Variants in BLTP3B observed in about 807,000 individuals in gnomAD.
BLTP3B encodes the protein UHRF1 (ICBP90) binding protein 1-like.
chr12:100,073,590 T>C, the BLTP3B span, among the ~76,000 whole-genome samples: 1 of 151,956 alleles, frequency 6.6e-6, no homozygotes, highest in Non-Finnish European at 1.5e-5. Flanking sequence ...TGTATATATA[T>C]ATAATTATTA....
chr12:100,116,991 AAAAT>A, the BLTP3B span, among the ~76,000 whole-genome samples: 1 of 152,336 alleles, frequency 6.6e-6, no homozygotes, highest in Admixed American at 6.5e-5. Context: ...TCTGAGCAAC[AAAAT>A]AAATAAAACA....
the BLTP3B span, among the ~76,000 whole-genome samples, chr12:100,133,900 T>C: frequency 6.6e-6 from 1 of 152,206 alleles, no homozygotes; most frequent in Non-Finnish European, 1.5e-5. Flanking sequence ...TCATATAACT[T>C]TTATTACAAT....
the BLTP3B span, among the ~76,000 whole-genome samples, chr12:100,050,515 A>C: frequency 6.6e-6 from 1 of 152,208 alleles, no homozygotes; most frequent in Non-Finnish European, 1.5e-5. Flanking sequence ...AAATTAGGTC[A>C]CAAGGATTGT....
chr12:100,103,803 T>C, the BLTP3B span: 2 of 926,976 alleles, frequency 2.2e-6, no homozygotes, highest in Admixed American at 6.2e-5. Context: ...GAAACCTAAC[T>C]GGTGAAAAAT....
At chr12:100,066,951 C>T in the BLTP3B span, among the ~76,000 whole-genome samples, 1 of 151,982 alleles carries the variant, frequency 6.6e-6, no homozygotes, top group African/African-American at 2.4e-5. Flanking sequence ...ACAAAAAAAG[C>T]CTCAATAAAT....
the BLTP3B span, among the ~76,000 whole-genome samples, chr12:100,136,818 T>A: frequency 3.9e-5 from 6 of 152,170 alleles, no homozygotes; most frequent in African/African-American, 1.4e-4. Flanking sequence ...TTCTTTTTTT[T>A]TATTTTTTTT....
chr12:100,117,217 A>C, the BLTP3B span, among the ~76,000 whole-genome samples: 4 of 152,162 alleles, frequency 2.6e-5, no homozygotes, highest in African/African-American at 9.7e-5. Flanking sequence ...TTCCTTCCAA[A>C]ATGTTCAGTA....
chr12:100,043,131 C>T, the BLTP3B span, among the ~76,000 whole-genome samples: 1 of 152,292 alleles, frequency 6.6e-6, no homozygotes, highest in Admixed American at 6.5e-5. Flanking sequence ...AAGCTATGTA[C>T]ATTTTTTAGA....
chr12:100,040,217 A>G, the BLTP3B span, among the ~76,000 whole-genome samples: 4 of 152,220 alleles, frequency 2.6e-5, no homozygotes, highest in African/African-American at 9.6e-5. Context: ...GGAATACTAT[A>G]AACAACAGTA....
At chr12:100,095,537 CTAGA>C in the BLTP3B span, 1 of 974,198 alleles carries the variant, frequency 1.0e-6, no homozygotes, top group Non-Finnish European at 1.5e-6. Flanking sequence ...TAGAAGATAT[CTAGA>C]TAAAGAAGAT....
the BLTP3B span, among the ~76,000 whole-genome samples, chr12:100,103,667 C>A: frequency 6.6e-6 from 1 of 151,976 alleles, no homozygotes; most frequent in East Asian, 1.9e-4. Context: ...TTAAATGATG[C>A]AATAAAATAC....
At chr12:100,088,798 C>T in the BLTP3B span, 1 of 824,002 alleles carries the variant, frequency 1.2e-6, no homozygotes, top group Non-Finnish European at 1.7e-6. Context: ...TTCATATGAA[C>T]ACAATTATGA....
At chr12:100,135,595 C>T in the BLTP3B span, among the ~76,000 whole-genome samples, 89 of 152,226 alleles carry the variant, frequency 5.8e-4, no homozygotes, top group Non-Finnish European at 1.0e-3. Flanking sequence ...ATTAAGCCTT[C>T]CCAATCACCA....
chr12:100,051,327 A>C, the BLTP3B span: 27 of 958,102 alleles, frequency 2.8e-5, no homozygotes, highest in Non-Finnish European at 3.3e-5. Context: ...ACTCTTTCTC[A>C]AGCACTGCCT....
the BLTP3B span, among the ~76,000 whole-genome samples, chr12:100,048,736 G>T: frequency 3.1e-5 from 3 of 97,008 alleles, no homozygotes; most frequent in African/African-American, 1.1e-4. Context: ...TAAGGGGGGG[G>T]AGAGAGAGAG....
the BLTP3B span, chr12:100,039,494 G>A: frequency 2.5e-5 from 30 of 1,212,590 alleles, no homozygotes; most frequent in East Asian, 5.3e-5. Flanking sequence ...ACAAGCACTC[G>A]GTACATTTTA....
the BLTP3B span, among the ~76,000 whole-genome samples, chr12:100,126,023 T>A: frequency 6.6e-6 from 1 of 152,142 alleles, no homozygotes; most frequent in South Asian, 2.1e-4. Context: ...CCCAACACTT[T>A]GGGAGGCTGA....
At chr12:100,053,434 G>A in the BLTP3B span, among the ~76,000 whole-genome samples, 1 of 152,050 alleles carries the variant, frequency 6.6e-6, no homozygotes, top group African/African-American at 2.4e-5. Context: ...TTTGGCTACA[G>A]AATAAAGAAT....
chr12:100,100,586 C>T, the BLTP3B span, among the ~76,000 whole-genome samples: 2 of 151,936 alleles, frequency 1.3e-5, no homozygotes, highest in Non-Finnish European at 2.9e-5. Context: ...GTGGCTTGCA[C>T]CTGTAGTCCC....
Sources: allele counts gnomAD v4.1 joint callset (sites outside exome capture counted in the v4.1 genomes callset), GRCh38; gene constraint gnomAD v4.1.1; transcripts MANE v1.5; gene names NCBI Gene and HGNC (gene_info 2026-07-23, HGNC 2026-07-21).